ACSS2: variants seen among roughly 807,000 people sequenced by gnomAD.
ACSS2 encodes the protein acetyl-coenzyme A synthetase, cytoplasmic.
ACSS2 carries 58 observed loss-of-function variants against 90.6 expected under a neutral mutation model. The observed-to-expected ratio is 0.64, with a 90% confidence interval of 0.52 to 0.80. The LOEUF (loss-of-function observed/expected upper bound fraction) is 0.80, where lower values mean the gene tolerates loss of function less well. Among genes scored for constraint, ACSS2 ranks in the 30% least tolerant of loss-of-function variants. ACSS2 has a pLI of 0.00. For missense variants in ACSS2, 759 were observed against 912.0 expected, an observed-to-expected ratio of 0.83 and a Z score of 2.16; for synonymous variants, 300 against 330.9, an observed-to-expected ratio of 0.91 and a Z score of 1.01.
At chr20:34,895,165 A>C (rs1353183289) in intron 2 of ACSS2, among the ~76,000 whole-genome samples, 4 of 152,172 alleles carry the variant, frequency 2.6e-5, no homozygotes, top group Non-Finnish European at 5.9e-5. Flanking sequence ...CATATCTAAA[A>C]ATTTTATCAT....
At chr20:34,909,592 C>T (rs1256887000) in intron 2 of ACSS2, among the ~76,000 whole-genome samples, 1 of 151,940 alleles carries the variant, frequency 6.6e-6, no homozygotes, top group Non-Finnish European at 1.5e-5. Flanking sequence ...TAAACAAATG[C>T]ATGTAGTATA....
rs148166087 is a variant in ACSS2, at chr20:34,914,143, G to C, written c.691G>C (p.Asp231His). Residue 231 changes from aspartate (D) to histidine (H), a missense_variant, in exon 6 of 18, where the codon GAC becomes CAC. By Grantham distance (81) the Asp-to-His change is moderately conservative. Transcript: ENST00000360596. Reference sequence around the variant, plus strand: ...GCTTGTGAACCTGAAGGAGCTGGCTGACGAGGCCCTGCAGAAGTGTCAGGA... The same window carrying C: ...GCTTGTGAACCTGAAGGAGCTGGCTCACGAGGCCCTGCAGAAGTGTCAGGA... Reference protein sequence around the residue: ...EKLVNLKELADEALQKCQEKG... With the variant: ...EKLVNLKELAHEALQKCQEKG... 450 of 1,614,210 alleles carry C rather than the reference G, an allele frequency of 2.8e-4. No homozygotes were observed. Among genetic ancestry groups the C allele is most frequent in the Non-Finnish European group, 3.7e-4 (437 of 1,180,024 alleles).
intron 2 of ACSS2, among the ~76,000 whole-genome samples, chr20:34,897,460 TA>T (rs1468374006): frequency 1.3e-5 from 2 of 152,206 alleles, no homozygotes; most frequent in Non-Finnish European, 2.9e-5. Context: ...TGGAATCATA[TA>T]ACACGTGGCC....
intron 13 of ACSS2, 40 bp from the exon 14 acceptor site, chr20:34,923,283 G>A (rs768130495): frequency 7.2e-7 from 1 of 1,383,400 alleles, no homozygotes; most frequent in Non-Finnish European, 1.0e-6. Context: ...CAGTGAGACA[G>A]CATAGCAAAT....
At chr20:34,911,459 A>G (rs2080957099) in intron 2 of ACSS2, among the ~76,000 whole-genome samples, 1 of 152,028 alleles carries the variant, frequency 6.6e-6, no homozygotes, top group African/African-American at 2.4e-5. Context: ...AAGTGCTGGG[A>G]TTACAGGTAT....
At chr20:34,898,774 T>A (rs899315614) in intron 2 of ACSS2, among the ~76,000 whole-genome samples, 1 of 152,156 alleles carries the variant, frequency 6.6e-6, no homozygotes, top group African/African-American at 2.4e-5. Flanking sequence ...CAGGTGGAGC[T>A]GCCTGCCAGT....
intron 2 of ACSS2, among the ~76,000 whole-genome samples, chr20:34,904,686 G>A (rs2080752930): frequency 2.0e-5 from 3 of 152,088 alleles, no homozygotes; most frequent in South Asian, 4.1e-4. Flanking sequence ...AGTAAATTTC[G>A]AGAGTGTGAG....
chr20:34,899,410 CTTTCTT>C (rs1252181935), intron 2 of ACSS2, among the ~76,000 whole-genome samples: 1 of 57,132 alleles, frequency 1.8e-5, no homozygotes, highest in Non-Finnish European at 3.1e-5. Flanking sequence ...TTCCTTCTTT[CTTTCTT>C]TCTTTCTTTC....
intron 1 of ACSS2, among the ~76,000 whole-genome samples, chr20:34,878,895 C>CTTTTTTT (rs11299664): frequency 7.0e-5 from 9 of 128,520 alleles, no homozygotes; most frequent in Non-Finnish European, 8.3e-5. Context: ...TTCTGCTTTT[C>CTTTTTTT]TTTTTTTTTT....
rs1296797994 is a variant in ACSS2 at position 34,920,769 on chromosome 20, C to T, written c.1143+60C>T. 10 of 1,554,118 alleles carry T rather than the reference C, an allele frequency of 6.4e-6. No individual in the cohort carries two copies. The Admixed American group carries it at 1.3e-4, about 20-fold the overall frequency. ...GGACAAGATTATCCTGGGTGACTAC[C>T]TCCCAAGGCTGCTTGGTCTAGAGGG... is the stretch of plus-strand genomic sequence containing the variant. On this transcript the variant is annotated intron_variant, in intron 9 of 17. Transcript: ENST00000360596.
intron 2 of ACSS2, among the ~76,000 whole-genome samples, chr20:34,895,028 G>A (rs1438511792): frequency 6.6e-6 from 1 of 152,066 alleles, no homozygotes; most frequent in African/African-American, 2.4e-5. Context: ...AACCTCCTCA[G>A]ACAATTCTGA....
At position 34,926,254 on chromosome 20, in the gene ACSS2, A is replaced by G; in HGVS notation, c.1876A>G (p.Lys626Glu). The change falls in exon 16 of 18, where the codon AAG becomes GAG. Residue 626 changes from lysine (K) to glutamate (E), a missense_variant. By Grantham distance (56) the Lys-to-Glu change is moderately conservative. Transcript: ENST00000360596. ...TLCDGHTFSP[K>E]LTEELKKQIR... ...GTGTGATGGCCACACCTTCAGCCCC[A>G]AGCTCACCGAGGAGCTCAAGAAGCA... 1 of 1,614,136 alleles carries G rather than the reference A, an allele frequency of 6.2e-7. No homozygotes were observed. Among genetic ancestry groups the G allele is most frequent in the South Asian group, 1.1e-5 (1 of 91,082 alleles).
chr20:34,905,462 T>G (rs1367838802), intron 2 of ACSS2, among the ~76,000 whole-genome samples: 1 of 151,702 alleles, frequency 6.6e-6, no homozygotes, highest in East Asian at 2.0e-4. Context: ...TTAGTAGAGA[T>G]GGGGTTTCAC....
At chr20:34,892,716 C>A (rs2080364146) in intron 2 of ACSS2, among the ~76,000 whole-genome samples, 1 of 152,174 alleles carries the variant, frequency 6.6e-6, no homozygotes, top group African/African-American at 2.4e-5. Flanking sequence ...TATGCCAAAA[C>A]CCTATACCTA....
intron 5 of ACSS2, 58 bp from the exon 6 acceptor site, chr20:34,914,038 G>C: frequency 6.3e-7 from 1 of 1,579,160 alleles, no homozygotes; most frequent in Non-Finnish European, 8.7e-7. Flanking sequence ...TATGGACATT[G>C]TGCCCACTAG....
chr20:34,921,363 A>G lies in ACSS2; in HGVS notation c.1311A>G (p.Thr437=), dbSNP rs375995194. 2 of 1,614,128 alleles carry G rather than the reference A, an allele frequency of 1.2e-6. No individual in the cohort carries two copies. The highest frequency in any genetic ancestry group is 2.7e-5 in the African/African-American group (2 of 74,950). The change falls in exon 11 of 18, where the codon ACA becomes ACG. Residue 437 remains threonine, a synonymous_variant. Transcript: ENST00000360596. ...HSRASLQVLG[T]VGEPINPEAW... The stretch of plus-strand genomic sequence containing the variant: ...GGGCATCCTTGCAGGTGTTAGGCAC[A>G]GTGGGTGAACCCATCAACCCTGAGG...
Position 34,914,150 on chromosome 20 carries a change from C to A in ACSS2, c.698C>A (p.Ala233Asp), listed in dbSNP as rs1182850525. The A allele has an allele frequency of 1.2e-6, 2 of 1,614,194 alleles. No homozygotes were observed. Among genetic ancestry groups the A allele is most frequent in the Non-Finnish European group, 1.7e-6 (2 of 1,180,024 alleles). ...AACCTGAAGGAGCTGGCTGACGAGG[C>A]CCTGCAGAAGTGTCAGGAGAAGTAA... is the stretch of plus-strand genomic sequence containing the variant. Reference protein sequence around the residue: ...LVNLKELADEALQKCQEKGFP... With the variant: ...LVNLKELADEDLQKCQEKGFP... Residue 233 changes from alanine (A) to aspartate (D), a missense_variant, in exon 6 of 18, where the codon GCC becomes GAC. Coordinates refer to ENST00000360596, the MANE Select transcript of ACSS2 (RefSeq NM_018677.4).
At chr20:34,880,603 T>G (rs2080048507) in intron 1 of ACSS2, among the ~76,000 whole-genome samples, 1 of 152,240 alleles carries the variant, frequency 6.6e-6, no homozygotes. Context: ...TTGTCATGCA[T>G]TGCCTTGCAA....
chr20:34,893,939 C>G (rs1000911141), intron 2 of ACSS2, among the ~76,000 whole-genome samples: 1 of 151,886 alleles, frequency 6.6e-6, no homozygotes, highest in African/African-American at 2.4e-5. Context: ...AACTATTCAC[C>G]CTGGAATACT....
Sources: allele counts gnomAD v4.1 joint callset (sites outside exome capture counted in the v4.1 genomes callset), GRCh38; gene constraint gnomAD v4.1.1; transcripts MANE v1.5; gene names NCBI Gene and HGNC (gene_info 2026-07-23, HGNC 2026-07-21).